TBC1D22A: variants seen among roughly 807,000 people sequenced by gnomAD.
TBC1D22A encodes TBC1 domain family member 22A.
In TBC1D22A, 38 loss-of-function variants were observed where a neutral mutation model predicts 60.2. The ratio of observed to expected loss-of-function variants is 0.63; its 90% CI spans 0.49 to 0.83. The LOEUF is 0.83. TBC1D22A is among the 40% of genes least tolerant of loss of function. The pLI, the probability that TBC1D22A is intolerant of heterozygous loss-of-function variation, is 0.00. For synonymous variants in TBC1D22A, 302 were observed against 281.7 expected (o/e 1.07, Z -0.72); for missense variants, 628 against 701.0 (o/e 0.90, Z 1.18).
intron 8 of TBC1D22A, among the ~76,000 whole-genome samples, chr22:46,922,728 C>T (rs1350422079): frequency 2.6e-5 from 4 of 152,158 alleles, no homozygotes; most frequent in Non-Finnish European, 4.4e-5. Context: ...ATTTGGCTCT[C>T]AGCTTGGACA....
intron 10 of TBC1D22A, among the ~76,000 whole-genome samples, chr22:47,031,458 G>A (rs1012858791): frequency 2.0e-5 from 3 of 152,238 alleles, no homozygotes; most frequent in African/African-American, 7.2e-5. Flanking sequence ...GAACGGCCTT[G>A]CCTGTGCCTG....
rs76114006 is a variant in TBC1D22A at position 46,866,344 on chromosome 22, A to T, written c.638-12309A>T. Among the ~76,000 whole-genome samples, 9 of 152,280 alleles carry T rather than the reference A, an allele frequency of 5.9e-5. No homozygotes were observed. In the East Asian group the frequency reaches 1.7e-3, roughly 29 times the overall value. On this transcript the variant is annotated intron_variant, in intron 4 of 12. Transcript: ENST00000337137. ...GGTCTCAAACTCCTGACCTCAAGTG[A>T]TCGGCCCACCGCAGCCTCCCAAAGT...
Position 46,797,426 on chromosome 22 carries a change from A to G in TBC1D22A, c.461-18A>G, listed in dbSNP as rs915808433. On this transcript the variant is annotated intron_variant, in intron 3 of 12. Coordinates refer to ENST00000337137, the MANE Select transcript of TBC1D22A (RefSeq NM_014346.5). ...GAGGAGCGCCCTCACCCTCACCCCC[A>G]TTCTCTCACCCCTGCAGAAAGTGCC... The G allele has an allele frequency of 8.1e-6, 13 of 1,611,680 alleles. No individual in the cohort carries two copies. The highest frequency in any genetic ancestry group is 1.0e-5 in the Non-Finnish European group (12 of 1,179,856).
chr22:47,042,118 G>A (rs1049481222), intron 11 of TBC1D22A, among the ~76,000 whole-genome samples: 7 of 152,250 alleles, frequency 4.6e-5, no homozygotes, highest in Non-Finnish European at 1.0e-4. Flanking sequence ...AGGAGCATAA[G>A]CACCTTGCCC....
At chr22:46,850,674 A>G (rs943945658) in intron 4 of TBC1D22A, among the ~76,000 whole-genome samples, 9 of 152,232 alleles carry the variant, frequency 5.9e-5, no homozygotes, top group African/African-American at 1.7e-4. Flanking sequence ...CATGTGACCC[A>G]GCAGTTGGAC....
chr22:47,040,671 G>A (rs913896602), intron 11 of TBC1D22A, among the ~76,000 whole-genome samples: 2 of 152,142 alleles, frequency 1.3e-5, no homozygotes, highest in African/African-American at 4.8e-5. Context: ...TGACTTGATG[G>A]GGGGCCCTGT....
chr22:47,058,410 G>A (rs1039077643), intron 11 of TBC1D22A, among the ~76,000 whole-genome samples: 21 of 152,112 alleles, frequency 1.4e-4, no homozygotes, highest in Admixed American at 7.9e-4. Flanking sequence ...CCAGCCCTGC[G>A]AGAACGAGTT....
intron 12 of TBC1D22A, among the ~76,000 whole-genome samples, chr22:47,146,626 T>G (rs1363662275): frequency 6.6e-6 from 1 of 152,214 alleles, no homozygotes; most frequent in Non-Finnish European, 1.5e-5. Flanking sequence ...CAGAGTGGGC[T>G]GCAGGAATTG....
At chr22:46,886,548 C>T (rs936416292) in intron 5 of TBC1D22A, among the ~76,000 whole-genome samples, 5 of 152,164 alleles carry the variant, frequency 3.3e-5, no homozygotes, top group East Asian at 3.8e-4. Context: ...TGAAGGTATC[C>T]GGTATTCCTT....
intron 11 of TBC1D22A, among the ~76,000 whole-genome samples, chr22:47,077,249 A>G (rs914533466): frequency 4.6e-5 from 7 of 151,718 alleles, no homozygotes; most frequent in African/African-American, 1.7e-4. Context: ...TGCATTCACT[A>G]CTCTTGTACA....
intron 11 of TBC1D22A, among the ~76,000 whole-genome samples, chr22:47,106,987 C>G (rs1049645813): frequency 9.9e-5 from 15 of 152,130 alleles, no homozygotes; most frequent in Admixed American, 6.5e-5. Flanking sequence ...ATTCTGGAAA[C>G]CATGAGTACA....
intron 4 of TBC1D22A, among the ~76,000 whole-genome samples, chr22:46,814,810 A>AT (rs554204065): frequency 0.025 from 3,425 of 134,844 alleles, 116 homozygotes; most frequent in African/African-American, 0.077. Context: ...CACACTGGCT[A>AT]TTTTTTTTTT....
intron 12 of TBC1D22A, among the ~76,000 whole-genome samples, chr22:47,115,675 CCT>C (rs1369466420): frequency 6.6e-6 from 1 of 152,170 alleles, no homozygotes; most frequent in East Asian, 1.9e-4. Context: ...TCCGCTGTCC[CCT>C]CTGTTAGGAA....
At chr22:47,039,459 C>CT (rs1247104769) in intron 11 of TBC1D22A, among the ~76,000 whole-genome samples, 2 of 152,076 alleles carry the variant, frequency 1.3e-5, no homozygotes, top group Non-Finnish European at 2.9e-5. Flanking sequence ...TTTAGTTACT[C>CT]TTTAACCCCT....
intron 4 of TBC1D22A, among the ~76,000 whole-genome samples, chr22:46,820,784 T>A (rs1301360226): frequency 1.3e-5 from 2 of 152,242 alleles, no homozygotes; most frequent in South Asian, 4.1e-4. Flanking sequence ...TGAATGTCCT[T>A]GTTAATTTTC....
At chr22:47,113,943 TGTG>T (rs2065938201) in intron 12 of TBC1D22A, among the ~76,000 whole-genome samples, 1 of 152,074 alleles carries the variant, frequency 6.6e-6, no homozygotes, top group Non-Finnish European at 1.5e-5. Flanking sequence ...CACCCTGTCA[TGTG>T]GTGGTCCCAT....
At chr22:46,987,181 G>A (rs1023551895) in intron 9 of TBC1D22A, among the ~76,000 whole-genome samples, 3 of 152,150 alleles carry the variant, frequency 2.0e-5, no homozygotes, top group Non-Finnish European at 2.9e-5. Flanking sequence ...CCCCCTGTAC[G>A]CTTTTGGTGG....
chr22:47,136,730 C>T (rs1601631121), intron 12 of TBC1D22A, among the ~76,000 whole-genome samples: 1 of 152,324 alleles, frequency 6.6e-6, no homozygotes, highest in African/African-American at 2.4e-5. Flanking sequence ...CCCGTGGGAC[C>T]AGGACTGCTG....
At position 46,777,347 on chromosome 22, in the gene TBC1D22A, TAG is replaced by T. The variant is rs968938444; in HGVS notation, c.62+14504_62+14505del. ...ACATTGTCTATTTTTGTGTGACTGG[TAG>T]AGAGTGATGTTGTCCAAGGGTGGGG... On this transcript the variant is annotated intron_variant, in intron 1 of 12. Transcript: ENST00000337137. The surrounding 1 kb of genome is among the most constrained non-coding windows in gnomAD (Gnocchi z 4.5). Among the ~76,000 whole-genome samples the T allele has an allele frequency of 6.6e-6, 1 of 151,772 alleles. No homozygotes were observed. The highest frequency in any genetic ancestry group is 6.6e-5 in the Admixed American group (1 of 15,242).
Sources: gnomAD v4.1 joint callset for allele counts (sites outside exome capture counted in the v4.1 genomes callset) on GRCh38, gnomAD v4.1.1 for gene constraint, Gnocchi (gnomAD v3.1) non-coding constraint, MANE v1.5 for transcripts, NCBI Gene and HGNC (gene_info 2026-07-23, HGNC 2026-07-21) for gene names.